Variants in GHRH observed in about 807,000 individuals in gnomAD.
GHRH encodes growth hormone releasing hormone.
A neutral mutation model predicts 15.6 loss-of-function variants in GHRH; 7 were observed. That is an observed-to-expected ratio of 0.45 (90% CI 0.26 to 0.84). GHRH has a LOEUF of 0.84. Ranked by LOEUF, GHRH falls within the 40% of genes least tolerant of loss-of-function variation. The probability of loss-of-function intolerance (pLI) is 0.18; values close to 1 mark genes in which losing one functional copy is unlikely to be tolerated. For synonymous variants in GHRH, 54 were observed against 50.4 expected, an observed-to-expected ratio of 1.07 and a Z score of -0.30; for missense variants, 117 against 138.0, an observed-to-expected ratio of 0.85 and a Z score of 0.76.
intron 1 of GHRH, among the ~76,000 whole-genome samples, 193 bp from the exon 2 acceptor site, chr20:37,257,101 C>CTCTGACTTCATTT (rs2068661757): frequency 6.6e-6 from 1 of 152,236 alleles, no homozygotes; most frequent in South Asian, 2.1e-4. Flanking sequence ...CAGCCACCTG[C>CTCTGACTTCATTT]TCTGACTTCA....
At chr20:37,255,610 G>A (rs1400166300) in intron 3 of GHRH, among the ~76,000 whole-genome samples, 21 of 136,192 alleles carry the variant, frequency 1.5e-4, no homozygotes, top group African/African-American at 2.0e-4. Flanking sequence ...GCAGTGAGCC[G>A]AGATTGTGCC....
intron 3 of GHRH, among the ~76,000 whole-genome samples, chr20:37,255,468 G>A (rs2068649776): frequency 6.6e-6 from 1 of 151,604 alleles, no homozygotes; most frequent in Non-Finnish European, 1.5e-5. Context: ...AGACCGTCCT[G>A]GCTAACATGG....
At chr20:37,251,988 C>A (rs574253475) in intron 4 of GHRH, among the ~76,000 whole-genome samples, 3 of 152,276 alleles carry the variant, frequency 2.0e-5, no homozygotes, top group African/African-American at 7.2e-5. Flanking sequence ...TTTTAACTCG[C>A]GGGAACAAAG....
At position 37,251,194 on chromosome 20, in the gene GHRH, C is replaced by A; in HGVS notation, c.*19G>T. The A allele has an allele frequency of 6.3e-7, 1 of 1,588,330 alleles. No individual in the cohort carries two copies. The highest frequency in any genetic ancestry group is 2.3e-5 in the East Asian group (1 of 43,068). On this transcript the variant is annotated 3_prime_UTR_variant, in exon 5 of 5. Transcript: ENST00000373614. The stretch of plus-strand genomic sequence containing the variant: ...AGTTGCATTTTGGCTACAGGTAGCC[C>A]GGGTCACAGGAGGAATCTTCATCCC...
chr20:37,258,890 C>T lies in GHRH; in HGVS notation c.-19-1982G>A, dbSNP rs555995207. Among the ~76,000 whole-genome samples, 2 of 152,298 alleles carry T rather than the reference C, an allele frequency of 1.3e-5. No homozygotes were observed. The highest frequency in any genetic ancestry group is 1.9e-4 in the East Asian group (1 of 5,188). Reference sequence around the variant, plus strand: ...GAGTAGCTGGGACAGCAGGCATGTGCCATCATGCCCAGCTAATTTTGAAAT... The same window carrying T: ...GAGTAGCTGGGACAGCAGGCATGTGTCATCATGCCCAGCTAATTTTGAAAT... On this transcript the variant is annotated intron_variant, in intron 1 of 4. Coordinates refer to ENST00000373614, the MANE Select transcript of GHRH (RefSeq NM_021081.6). The surrounding 1 kb of genome is among the most constrained non-coding windows in gnomAD (Gnocchi z 4.1).
At chr20:37,254,189 C>G (rs1257308227) in intron 4 of GHRH, 21 bp downstream of exon 4, 1 of 1,613,846 alleles carries the variant, frequency 6.2e-7, no homozygotes, top group East Asian at 2.2e-5. Context: ...CCTAGATGCA[C>G]CCATGCACAC....
In GHRH at chr20:37,258,529, G is replaced by T. The variant is rs957380287; in HGVS notation, c.-19-1621C>A. Among the ~76,000 whole-genome samples, 2 of 152,032 alleles carry T rather than the reference G, an allele frequency of 1.3e-5. No individual in the cohort carries two copies. Among genetic ancestry groups the T allele is most frequent in the Admixed American group, 6.6e-5 (1 of 15,256 alleles). ...TTGGGCCCCCAGGCAGCACTCAGGGGGTCTGCTTACTGCAGCCTGAGACCC... is the reference window on the plus strand; with the variant it reads ...TTGGGCCCCCAGGCAGCACTCAGGGTGTCTGCTTACTGCAGCCTGAGACCC... On this transcript the variant is annotated intron_variant, in intron 1 of 4. Coordinates refer to ENST00000373614, the MANE Select transcript of GHRH (RefSeq NM_021081.6). This position sits in a 1 kb window ranked among gnomAD's most constrained non-coding sequence, Gnocchi z 4.1.
intron 1 of GHRH, among the ~76,000 whole-genome samples, chr20:37,259,022 G>C (rs919219576): frequency 3.3e-5 from 5 of 152,140 alleles, no homozygotes; most frequent in African/African-American, 1.2e-4. Flanking sequence ...TTATAGGCAT[G>C]AGCCACAATG....
chr20:37,260,068 G>C (rs753891085), intron 1 of GHRH, among the ~76,000 whole-genome samples: 1 of 152,192 alleles, frequency 6.6e-6, no homozygotes, highest in African/African-American at 2.4e-5. Context: ...TAGTTTCAGG[G>C]AGTTGAAACA....
At chr20:37,253,979 G>A (rs377447302) in intron 4 of GHRH, among the ~76,000 whole-genome samples, 66 of 152,252 alleles carry the variant, frequency 4.3e-4, no homozygotes, top group East Asian at 2.7e-3. Context: ...TTGAACTCCC[G>A]ACCTCAGATG....
intron 1 of GHRH, among the ~76,000 whole-genome samples, chr20:37,257,622 G>T (rs1461721912): frequency 6.6e-6 from 1 of 152,192 alleles, no homozygotes; most frequent in African/African-American, 2.4e-5. Flanking sequence ...ACCCCATCCA[G>T]TGTGGCAGTG....
intron 4 of GHRH, 50 bp downstream of exon 4, chr20:37,254,160 G>T: frequency 6.2e-7 from 1 of 1,607,002 alleles, no homozygotes. Context: ...CAAACCACGG[G>T]GTAGGAAGCC....
At position 37,254,203 on chromosome 20, in the gene GHRH, C is replaced by CAA. The variant is rs1569011595; in HGVS notation, c.308+6_308+7insTT. The CAA allele has an allele frequency of 1.2e-6, 2 of 1,614,134 alleles. No individual in the cohort carries two copies. Among genetic ancestry groups the CAA allele is most frequent in the South Asian group, 1.1e-5 (1 of 91,086 alleles). ...CCCTAGATGCACCCATGCACACACA[C>CAA]CCATACCTGTGCTTCTGCAGCAGGG... On this transcript the variant is annotated splice_region_variant and intron_variant, in intron 4 of 4. Transcript: ENST00000373614.
At chr20:37,257,762 G>C (rs2068665810) in intron 1 of GHRH, among the ~76,000 whole-genome samples, 1 of 152,126 alleles carries the variant, frequency 6.6e-6, no homozygotes, top group Non-Finnish European at 1.5e-5. Flanking sequence ...ATTTTCCCCG[G>C]CCATAAAACC....
At chr20:37,259,280 G>A (rs1284570707) in intron 1 of GHRH, among the ~76,000 whole-genome samples, 2 of 152,158 alleles carry the variant, frequency 1.3e-5, no homozygotes, top group Non-Finnish European at 2.9e-5. Context: ...TTAAGCTTTT[G>A]TTCCTCAGAC....
chr20:37,252,185 C>G (rs1422206850), intron 4 of GHRH, among the ~76,000 whole-genome samples: 2 of 151,534 alleles, frequency 1.3e-5, no homozygotes, highest in Non-Finnish European at 2.9e-5. Context: ...CCCCTCCTTT[C>G]ACAGAGTCGA....
intron 3 of GHRH, among the ~76,000 whole-genome samples, chr20:37,255,554 G>A (rs753651130): frequency 4.0e-5 from 6 of 151,318 alleles, no homozygotes; most frequent in Admixed American, 6.6e-5. Flanking sequence ...TCAGCTACTC[G>A]GGAGGCTGGG....
rs1365028529 is a variant in GHRH, at chr20:37,258,688, G to A, written c.-19-1780C>T. On this transcript the variant is annotated intron_variant, in intron 1 of 4. Coordinates refer to ENST00000373614, the MANE Select transcript of GHRH (RefSeq NM_021081.6). The surrounding 1 kb of genome is among the most constrained non-coding windows in gnomAD (Gnocchi z 4.1). ...GCTCGAGTGAGCACTTGCTGCCAGC[G>A]AATGACAGGGATCTCACTACCCCCA... Among the ~76,000 whole-genome samples, 1 of 152,176 alleles carries A rather than the reference G, an allele frequency of 6.6e-6. No homozygotes were observed. Among genetic ancestry groups the A allele is most frequent in the Non-Finnish European group, 1.5e-5 (1 of 68,044 alleles).
chr20:37,256,954 G>T, intron 1 of GHRH, 46 bp from the exon 2 acceptor site: 1 of 1,206,464 alleles, frequency 8.3e-7, no homozygotes, highest in Non-Finnish European at 1.2e-6. Context: ...CACAGCCATT[G>T]GGATGGCCTT....
Sources: gnomAD v4.1 joint callset for allele counts (sites outside exome capture counted in the v4.1 genomes callset) on GRCh38, gnomAD v4.1.1 for gene constraint, Gnocchi (gnomAD v3.1) non-coding constraint, MANE v1.5 for transcripts, NCBI Gene and HGNC (gene_info 2026-07-23, HGNC 2026-07-21) for gene names.